The following COL25A1 variants were observed in gnomAD, a reference collection of about 807,000 sequenced individuals.
COL25A1 encodes collagen alpha-1(XXV) chain.
A neutral mutation model predicts 128.4 loss-of-function variants in COL25A1; 103 were observed. The observed-to-expected ratio is 0.80, with a 90% CI of 0.68 to 0.94. The LOEUF (loss-of-function observed/expected upper bound fraction) is 0.94. Ranked by LOEUF, COL25A1 falls within the 40% of genes least tolerant of loss-of-function variation. COL25A1 has a pLI of 0.00. For missense variants in COL25A1, 745 were observed against 840.0 expected (o/e 0.89, Z 1.40); for synonymous variants, 279 against 277.2 (o/e 1.01, Z -0.06).
chr4:109,217,930 A>T (rs898778751), intron 3 of COL25A1, among the ~76,000 whole-genome samples: 1 of 152,196 alleles, frequency 6.6e-6, no homozygotes, highest in African/African-American at 2.4e-5. Flanking sequence ...TACTAAACCC[A>T]CAGAAATGGA....
At chr4:108,998,345 T>C (rs904529533) in intron 6 of COL25A1, among the ~76,000 whole-genome samples, 1 of 152,182 alleles carries the variant, frequency 6.6e-6, no homozygotes, top group African/African-American at 2.4e-5. Flanking sequence ...AGCCAAATCA[T>C]GAGTGAACTC....
chr4:108,929,485 T>C (rs1746468388), intron 11 of COL25A1, among the ~76,000 whole-genome samples: 1 of 152,130 alleles, frequency 6.6e-6, no homozygotes, highest in African/African-American at 2.4e-5. Context: ...ATCCTTTTAG[T>C]TATAACGTGC....
intron 16 of COL25A1, among the ~76,000 whole-genome samples, chr4:108,894,056 A>C (rs534795049): frequency 1.3e-5 from 2 of 152,326 alleles, no homozygotes; most frequent in East Asian, 3.9e-4. Context: ...AGTTGATTTC[A>C]ATTTCCATGT....
At chr4:109,279,338 A>G (rs1028731904) in intron 3 of COL25A1, among the ~76,000 whole-genome samples, 1 of 152,160 alleles carries the variant, frequency 6.6e-6, no homozygotes, top group Non-Finnish European at 1.5e-5. Context: ...GGCTGGGTGC[A>G]GTGACTCATG....
chr4:109,238,738 ACTC>A (rs1396737742), intron 3 of COL25A1, among the ~76,000 whole-genome samples: 4 of 151,352 alleles, frequency 2.6e-5, no homozygotes, highest in African/African-American at 9.7e-5. Flanking sequence ...CCTTGGGACT[ACTC>A]CTTGTTTTCC....
intron 6 of COL25A1, among the ~76,000 whole-genome samples, chr4:108,991,503 CTT>C (rs924599094): frequency 9.9e-5 from 15 of 152,076 alleles, no homozygotes; most frequent in Non-Finnish European, 1.9e-4. Context: ...TATATTAAGA[CTT>C]TTATTATCAT....
chr4:109,295,322 T>C (rs77764814), intron 3 of COL25A1, among the ~76,000 whole-genome samples: 3,759 of 152,112 alleles, frequency 0.025, 152 homozygotes, highest in African/African-American at 0.084. Flanking sequence ...AAGTGTTAGA[T>C]CCACACTGTT....
chr4:108,872,822 T>C (rs915632515), intron 19 of COL25A1, among the ~76,000 whole-genome samples: 10 of 152,284 alleles, frequency 6.6e-5, no homozygotes, highest in African/African-American at 2.4e-4. Context: ...CAGTTATATT[T>C]CATAAAACAT....
chr4:108,866,109 T>C (rs1737876132), intron 20 of COL25A1, among the ~76,000 whole-genome samples: 1 of 152,216 alleles, frequency 6.6e-6, no homozygotes, highest in Non-Finnish European at 1.5e-5. Flanking sequence ...CAGAAAAATA[T>C]TTGATCAAAA....
rs990030696 is a variant in COL25A1 at position 108,841,637 on chromosome 4, C to T, written c.1656+58G>A. The T allele has an allele frequency of 1.0e-5, 14 of 1,383,954 alleles. No homozygotes were observed. The African/African-American group carries it at 1.4e-4, about 14-fold the overall frequency. The allele number at this position is 1,383,954 out of a possible 1,614,324, so 85.7% of individuals were successfully genotyped here. On this transcript the variant is annotated intron_variant, in intron 31 of 37. Coordinates refer to ENST00000399132, the MANE Select transcript of COL25A1 (RefSeq NM_198721.4). Reference sequence around the variant, plus strand: ...ATAGGACAGACATGCTTCTGTCATGCTTCTCCATGATTATCAAGGAAGCAG... The same window carrying T: ...ATAGGACAGACATGCTTCTGTCATGTTTCTCCATGATTATCAAGGAAGCAG...
chr4:108,937,224 C>T (rs888407142), intron 11 of COL25A1, among the ~76,000 whole-genome samples: 5 of 152,036 alleles, frequency 3.3e-5, no homozygotes, highest in African/African-American at 1.2e-4. Flanking sequence ...CTACTCTTCC[C>T]GAGCCACCAA....
intron 19 of COL25A1, among the ~76,000 whole-genome samples, chr4:108,870,797 T>C (rs539527579): frequency 6.6e-6 from 1 of 152,208 alleles, no homozygotes; most frequent in East Asian, 1.9e-4. Flanking sequence ...TTAAAGTCAA[T>C]GTGTATCATT....
intron 37 of COL25A1, among the ~76,000 whole-genome samples, chr4:108,816,642 C>T (rs1312662178): frequency 1.3e-5 from 2 of 152,138 alleles, no homozygotes; most frequent in Non-Finnish European, 2.9e-5. Context: ...CTCTCTCCCT[C>T]TCCTAGTTGT....
chr4:108,931,685 C>A (rs1235604313), intron 11 of COL25A1, among the ~76,000 whole-genome samples: 1 of 152,166 alleles, frequency 6.6e-6, no homozygotes, highest in Non-Finnish European at 1.5e-5. Flanking sequence ...GCAGGTCCCC[C>A]CAGCCTGGGG....
At chr4:108,965,992 T>A (rs774608200) in intron 8 of COL25A1, among the ~76,000 whole-genome samples, 85 of 152,216 alleles carry the variant, frequency 5.6e-4, no homozygotes, top group Non-Finnish European at 1.0e-3. Context: ...ATTTTCTTTT[T>A]AAAAAATTTT....
chr4:108,985,920 A>C (rs1289602170), intron 6 of COL25A1, among the ~76,000 whole-genome samples: 1 of 152,186 alleles, frequency 6.6e-6, no homozygotes, highest in Non-Finnish European at 1.5e-5. Flanking sequence ...CAACATTCTC[A>C]AACCAAATTT....
intron 3 of COL25A1, among the ~76,000 whole-genome samples, chr4:109,145,260 G>T (rs1188834087): frequency 6.6e-6 from 1 of 151,796 alleles, no homozygotes; most frequent in East Asian, 1.9e-4. Context: ...GTAGAGACGG[G>T]GTTTCACTGT....
intron 3 of COL25A1, among the ~76,000 whole-genome samples, chr4:109,110,939 G>A (rs1766941588): frequency 6.6e-6 from 1 of 152,082 alleles, no homozygotes; most frequent in South Asian, 2.1e-4. Context: ...CCAACTTCCT[G>A]AAATTTTCCT....
chr4:109,178,103 A>G (rs1043887042), intron 3 of COL25A1, among the ~76,000 whole-genome samples: 5 of 152,222 alleles, frequency 3.3e-5, no homozygotes, highest in Non-Finnish European at 5.9e-5. Flanking sequence ...CTACTTAAAT[A>G]AGTTTAAATA....
Sources: allele counts gnomAD v4.1 joint callset (sites outside exome capture counted in the v4.1 genomes callset), GRCh38; gene constraint gnomAD v4.1.1; transcripts MANE v1.5; gene names NCBI Gene and HGNC (gene_info 2026-07-23, HGNC 2026-07-21).